The following ABCB5 variants were observed in gnomAD, a reference collection of about 807,000 sequenced individuals.
ABCB5 encodes the protein ATP-binding cassette sub-family B member 5.
ABCB5 carries 155 observed loss-of-function variants against 144.2 expected under a neutral mutation model. That is an observed-to-expected ratio of 1.08 (90% CI 0.94 to 1.23). The LOEUF (loss-of-function observed/expected upper bound fraction) is 1.23. Among genes scored for constraint, ABCB5 ranks in the 50% most tolerant of loss-of-function variants. ABCB5 has a pLI of 0.00. For missense variants in ABCB5, 1,830 were observed against 1,520.8 expected, an observed-to-expected ratio of 1.20 and a Z score of -3.38; for synonymous variants, 610 against 528.6, an observed-to-expected ratio of 1.15 and a Z score of -2.11.
intron 26 of ABCB5, among the ~76,000 whole-genome samples, chr7:20,750,357 G>A (rs1782880791): frequency 6.6e-6 from 1 of 151,266 alleles, no homozygotes; most frequent in South Asian, 2.1e-4. Flanking sequence ...ACACGGAGCA[G>A]TGATGAGAGT....
chr7:20,679,293 C>A (rs1043335869), intron 14 of ABCB5, among the ~76,000 whole-genome samples: 1 of 151,722 alleles, frequency 6.6e-6, no homozygotes, highest in South Asian at 2.1e-4. Flanking sequence ...CATGGTAAAA[C>A]CCCATCTCTG....
chr7:20,699,897 G>T lies in ABCB5; in HGVS notation c.2227G>T (p.Gly743Cys). ...TTATTCCATGATATTCGTCATTTTG[G>T]GTGTTATTTGCTTTGTCAGTTATTT... ...EIYSMIFVIL[G>C]VICFVSYFMQ... The change falls in exon 18 of 28, where the codon GGT becomes TGT. Residue 743 changes from glycine (G) to cysteine (C), a missense_variant. Coordinates refer to ENST00000404938, the MANE Select transcript of ABCB5 (RefSeq NM_001163941.2). The T allele has an allele frequency of 6.2e-7, 1 of 1,612,282 alleles. No individual in the cohort carries two copies. The highest frequency in any genetic ancestry group is 1.1e-5 in the South Asian group (1 of 90,708).
At chr7:20,712,158 CAAAAAAAAAAAA>C (rs34938819) in intron 20 of ABCB5, among the ~76,000 whole-genome samples, 1 of 52,646 alleles carries the variant, frequency 1.9e-5, no homozygotes, top group Admixed American at 2.8e-4. Flanking sequence ...AAGACGCCGT[CAAAAAAAAAAAA>C]AAAAAAAAAA....
intron 20 of ABCB5, among the ~76,000 whole-genome samples, chr7:20,707,335 TAG>T (rs895265570): frequency 1.3e-5 from 2 of 152,180 alleles, no homozygotes; most frequent in African/African-American, 4.8e-5. Flanking sequence ...GCTAGTGAAA[TAG>T]AGTCATAGGA....
intron 20 of ABCB5, among the ~76,000 whole-genome samples, chr7:20,721,640 C>G (rs922430834): frequency 3.3e-5 from 5 of 152,146 alleles, no homozygotes; most frequent in East Asian, 1.9e-4. Context: ...CTGAGTCAGA[C>G]AGCATGGGTT....
intron 20 of ABCB5, among the ~76,000 whole-genome samples, chr7:20,711,189 T>C (rs1787015631): frequency 6.7e-6 from 1 of 149,832 alleles, no homozygotes; most frequent in African/African-American, 2.5e-5. Context: ...TATTAAAGAA[T>C]TTTAAATAAA....
Position 20,754,003 on chromosome 7 carries a change from C to A in ABCB5, c.3576+497C>A, listed in dbSNP as rs1200036214. On this transcript the variant is annotated intron_variant, in intron 27 of 27. Coordinates refer to ENST00000404938, the MANE Select transcript of ABCB5 (RefSeq NM_001163941.2). The stretch of plus-strand genomic sequence containing the variant: ...GAAAATACTTGCACAGCAAGCTTCT[C>A]CAGCTGTTTGATTTTGCTATGTCCT... Among the ~76,000 whole-genome samples the A allele has an allele frequency of 3.9e-5, 6 of 152,306 alleles. No individual in the cohort carries two copies. In the South Asian group the frequency reaches 1.2e-3, roughly 32 times the overall value.
intron 14 of ABCB5, among the ~76,000 whole-genome samples, chr7:20,680,253 T>C (rs1785744687): frequency 6.6e-6 from 1 of 152,036 alleles, no homozygotes; most frequent in South Asian, 2.1e-4. Flanking sequence ...ACCCTTGGTA[T>C]AGGTGAGTGC....
intron 14 of ABCB5, chr7:20,667,187 T>C (rs1785227720): frequency 1.1e-6 from 1 of 891,610 alleles, no homozygotes; most frequent in Non-Finnish European, 1.3e-6. Flanking sequence ...AAATTCATGC[T>C]ATAATAAGTT....
intron 1 of ABCB5, among the ~76,000 whole-genome samples, chr7:20,621,063 C>T (rs576696759): frequency 3.3e-5 from 5 of 152,080 alleles, no homozygotes; most frequent in African/African-American, 1.2e-4. Flanking sequence ...AGTATTCAGC[C>T]TTAAAAAGGA....
chr7:20,659,086 T>A, intron 14 of ABCB5: 2 of 1,614,022 alleles, frequency 1.2e-6, no homozygotes, highest in Non-Finnish European at 1.7e-6. Context: ...GGTATTCATT[T>A]TGACCTAATT....
chr7:20,754,272 T>G (rs1783017028), intron 27 of ABCB5, among the ~76,000 whole-genome samples: 1 of 152,216 alleles, frequency 6.6e-6, no homozygotes, highest in Admixed American at 6.5e-5. Context: ...GCCCAGGCAG[T>G]TAATCCACCC....
intron 6 of ABCB5, 23 bp downstream of exon 6, chr7:20,643,398 C>G: frequency 6.2e-7 from 1 of 1,613,332 alleles, no homozygotes; most frequent in Non-Finnish European, 8.5e-7. Flanking sequence ...TATTGTAGTA[C>G]GTTAGCTTTG....
intron 19 of ABCB5, 95 bp downstream of exon 19, chr7:20,700,230 C>T (rs1396433474): frequency 9.0e-7 from 1 of 1,106,738 alleles, no homozygotes; most frequent in Non-Finnish European, 1.3e-6. Context: ...TTGACATAAT[C>T]TTTCTTTGAA....
At chr7:20,660,596 CTG>C (rs1211471659) in intron 14 of ABCB5, among the ~76,000 whole-genome samples, 1 of 152,194 alleles carries the variant, frequency 6.6e-6, no homozygotes, top group Non-Finnish European at 1.5e-5. Flanking sequence ...CCACCATAGA[CTG>C]CAGTTATGGA....
intron 16 of ABCB5, among the ~76,000 whole-genome samples, chr7:20,694,924 T>A (rs183366398): frequency 1.3e-5 from 2 of 152,080 alleles, no homozygotes; most frequent in African/African-American, 4.8e-5. Flanking sequence ...TATAAAATAT[T>A]ACAGAGAAAA....
chr7:20,633,513 T>A (rs1583380801), intron 5 of ABCB5, among the ~76,000 whole-genome samples: 2 of 152,164 alleles, frequency 1.3e-5, no homozygotes, highest in South Asian at 4.1e-4. Flanking sequence ...TATACATATT[T>A]ATGAGGTACC....
chr7:20,668,107 C>T (rs1206333503), intron 14 of ABCB5, among the ~76,000 whole-genome samples: 25 of 115,262 alleles, frequency 2.2e-4, no homozygotes, highest in African/African-American at 8.6e-4. Flanking sequence ...CTTGGCCTCC[C>T]AAAGTGCCGA....
At chr7:20,618,883 T>C (rs2128015436) in intron 1 of ABCB5, among the ~76,000 whole-genome samples, 1 of 144,262 alleles carries the variant, frequency 6.9e-6, no homozygotes, top group South Asian at 2.4e-4. Context: ...CAAGAGATTC[T>C]CCTGCCTCAG....
Sources: allele counts gnomAD v4.1 joint callset (sites outside exome capture counted in the v4.1 genomes callset), GRCh38; gene constraint gnomAD v4.1.1; transcripts MANE v1.5; gene names NCBI Gene and HGNC (gene_info 2026-07-23, HGNC 2026-07-21).